NAXD: variants seen among roughly 807,000 people sequenced by gnomAD.
NAXD encodes the protein ATP-dependent (S)-NAD(P)H-hydrate dehydratase.
In NAXD, 22 loss-of-function variants were observed where a neutral mutation model predicts 35.8. That is an observed-to-expected ratio of 0.62 (90% CI 0.44 to 0.88). The LOEUF (loss-of-function observed/expected upper bound fraction) is 0.88. Ranked by LOEUF, NAXD falls within the 40% of genes least tolerant of loss-of-function variation. NAXD has a pLI of 0.00. For missense variants in NAXD, 428 were observed against 437.7 expected (o/e 0.98, Z 0.20); for synonymous variants, 189 against 177.6 (o/e 1.06, Z -0.51).
intron 2 of NAXD, among the ~76,000 whole-genome samples, chr13:110,623,960 C>T (rs1344547752): frequency 6.6e-6 from 1 of 151,056 alleles, no homozygotes; most frequent in Admixed American, 6.6e-5. Context: ...CAAGATCGTG[C>T]CATTGCACTC....
At chr13:110,615,837 G>C (rs1345109286) in intron 1 of NAXD, 190 bp downstream of exon 1, 20 of 1,247,334 alleles carry the variant, frequency 1.6e-5, no homozygotes, top group Non-Finnish European at 1.9e-5. Context: ...GGGGCAGCCC[G>C]CGCGCGGGGC....
rs995011976 is a variant in NAXD at position 110,634,220 on chromosome 13, T to G, written c.442-325T>G. 3.3e-5 allele frequency among the ~76,000 whole-genome samples: 5 copies of G among 152,216 alleles called. No individual in the cohort carries two copies. The East Asian group carries it at 9.6e-4, about 29-fold the overall frequency. ...TTCTGTCACTCTTGGGAAAAGTGTC[T>G]TAGTCGGTTTTGCGCTGCTGTAGCC... On this transcript the variant is annotated intron_variant, in intron 5 of 9. Transcript: ENST00000680254.
Position 110,634,631 on chromosome 13 carries a change from G to A in NAXD, c.492+36G>A, listed in dbSNP as rs769911021. 77 of 1,613,958 alleles carry A rather than the reference G, an allele frequency of 4.8e-5. 1 individual carries two copies. The Admixed American group carries it at 6.7e-4, about 14-fold the overall frequency. On this transcript the variant is annotated intron_variant, in intron 6 of 9. Transcript: ENST00000680254. ...TTCTCTCCTCCTGGCTCGGACTCCC[G>A]GAAGGCCTGTGCAGTGAGCACGGCT...
At chr13:110,637,016 C>A in intron 8 of NAXD, 113 bp from the exon 9 acceptor site, 1 of 1,241,410 alleles carries the variant, frequency 8.1e-7, no homozygotes, top group Non-Finnish European at 1.1e-6. Flanking sequence ...GAGCCTCAGG[C>A]TGCTCCTGGA....
chr13:110,630,218 G>C (rs1413771783), intron 5 of NAXD, among the ~76,000 whole-genome samples: 1 of 151,888 alleles, frequency 6.6e-6, no homozygotes, highest in African/African-American at 2.4e-5. Flanking sequence ...TAGTAGAGAT[G>C]GGGTTTCACC....
chr13:110,621,056 CAAG>C (rs1886245064), intron 1 of NAXD, among the ~76,000 whole-genome samples: 3 of 152,116 alleles, frequency 2.0e-5, no homozygotes, highest in Non-Finnish European at 4.4e-5. Context: ...AGAGACAACT[CAAG>C]ATGATGAAAA....
intron 5 of NAXD, among the ~76,000 whole-genome samples, chr13:110,629,198 C>T (rs1886616011): frequency 6.6e-6 from 1 of 152,206 alleles, no homozygotes; most frequent in Non-Finnish European, 1.5e-5. Flanking sequence ...AGGTAGATTC[C>T]TATTCATAGC....
intron 5 of NAXD, among the ~76,000 whole-genome samples, chr13:110,631,963 G>A (rs972933425): frequency 2.0e-5 from 3 of 152,108 alleles, no homozygotes; most frequent in South Asian, 2.1e-4. Context: ...TAATATACAC[G>A]GCTTTAGTTT....
At chr13:110,624,612 C>G (rs546652388) in intron 3 of NAXD, among the ~76,000 whole-genome samples, 1 of 152,310 alleles carries the variant, frequency 6.6e-6, no homozygotes, top group South Asian at 2.1e-4. Flanking sequence ...GCACCTGCCA[C>G]CACGCCTGGC....
At chr13:110,621,863 C>T (rs971929740) in intron 1 of NAXD, among the ~76,000 whole-genome samples, 11 of 152,018 alleles carry the variant, frequency 7.2e-5, no homozygotes, top group African/African-American at 1.9e-4. Context: ...AACCCTATCT[C>T]TACTGAAAAT....
intron 5 of NAXD, among the ~76,000 whole-genome samples, chr13:110,630,819 T>C (rs1487236955): frequency 1.3e-5 from 2 of 152,200 alleles, no homozygotes; most frequent in Admixed American, 1.3e-4. Flanking sequence ...CCGTTGACCC[T>C]AAATGTGAAG....
At position 110,638,346 on chromosome 13, in the gene NAXD, C is replaced by A; in HGVS notation, c.840-32C>A. 6.2e-7 allele frequency: 1 copy of A among 1,613,962 alleles called. No individual in the cohort carries two copies. The highest frequency in any genetic ancestry group is 8.5e-7 in the Non-Finnish European group (1 of 1,179,998). Reference sequence around the variant, plus strand: ...GGCCCCCGGACCACGACGCCCACTTCCCCACACCTCCTGCTGTCCCCCTCT... The same window carrying A: ...GGCCCCCGGACCACGACGCCCACTTACCCACACCTCCTGCTGTCCCCCTCT... On this transcript the variant is annotated intron_variant, in intron 9 of 9. Transcript: ENST00000680254. The surrounding 1 kb of genome is among the most constrained non-coding windows in gnomAD (Gnocchi z 5.4).
intron 3 of NAXD, among the ~76,000 whole-genome samples, chr13:110,624,804 T>C (rs1886399714): frequency 6.6e-6 from 1 of 152,206 alleles, no homozygotes; most frequent in South Asian, 2.1e-4. Context: ...TGATTTGTAT[T>C]GTACTCCACC....
Position 110,634,770 on chromosome 13 carries a change from C to G in NAXD, c.591C>G (p.Asp197Glu), listed in dbSNP as rs559466039. Residue 197 changes from aspartate to glutamate, a missense_variant, in exon 7 of 10, where the codon GAC (aspartate) becomes GAG (glutamate). This residue lies in a region of NAXD where 209 missense variants were observed against 214.6 expected (regional missense o/e 0.97). Coordinates refer to ENST00000680254, the MANE Select transcript of NAXD (RefSeq NM_001242882.2). ...ACGTGGAGTTCAGCAGACTGTATGA[C>G]GCTGTGGTGAGTCAGTGGACCCCCT... is the stretch of plus-strand genomic sequence containing the variant. ...PNHVEFSRLY[D>E]AVLRGPMDSD... 344 of 1,612,204 alleles carry G rather than the reference C, an allele frequency of 2.1e-4. 2 individuals carry two copies. The South Asian group carries it at 3.6e-3, about 17-fold the overall frequency.
At position 110,639,352 on chromosome 13, in the gene NAXD, CTG is replaced by C. The variant is rs1887080302; in HGVS notation, c.*826_*827del. 6.5e-6 allele frequency: 1 copy of C among 153,532 alleles called. No individual in the cohort carries two copies. The highest frequency in any genetic ancestry group is 1.4e-5 in the Non-Finnish European group (1 of 68,986). 9.5% of individuals were successfully genotyped at this position (153,532 alleles called of 1,614,324 possible). ...CTGGGGTCTGACGTGGCCCCTAGTG[CTG>C]TCTCAGGAGAAGGCTCTGGAGGACT... On this transcript the variant is annotated 3_prime_UTR_variant, in exon 10 of 10. Transcript: ENST00000680254.
chr13:110,635,645 C>T, intron 8 of NAXD, 57 bp downstream of exon 8: 1 of 1,595,290 alleles, frequency 6.3e-7, no homozygotes, highest in Non-Finnish European at 8.6e-7. Flanking sequence ...AGCATGGCCA[C>T]ACCGAGCATG....
Position 110,635,608 on chromosome 13 carries a change from T to C in NAXD, c.718+20T>C. On this transcript the variant is annotated intron_variant, in intron 8 of 9. Coordinates refer to ENST00000680254, the MANE Select transcript of NAXD (RefSeq NM_001242882.2). The stretch of plus-strand genomic sequence containing the variant: ...AGCAGGGTGAGTGGCGGCTGCCCTC[T>C]GTGCATGGGCCAGTGCCAGGTCAGT... The C allele has an allele frequency of 6.2e-6, 10 of 1,612,764 alleles. No individual in the cohort carries two copies. The highest frequency in any genetic ancestry group is 8.5e-6 in the Non-Finnish European group (10 of 1,179,560).
At chr13:110,625,409 A>G (rs1223961198) in intron 4 of NAXD, 131 bp downstream of exon 4, 1 of 667,276 alleles carries the variant, frequency 1.5e-6, no homozygotes, top group Non-Finnish European at 2.7e-6. Flanking sequence ...GCTGTAGAGG[A>G]AGTAGGGAAA....
upstream of NAXD, chr13:110,615,465 G>T: frequency 1.3e-6 from 1 of 778,938 alleles, no homozygotes; most frequent in South Asian, 2.5e-5. Context: ...CAATCATCTA[G>T]AACCGGGTGT....
Sources: gnomAD v4.1 joint callset for allele counts (sites outside exome capture counted in the v4.1 genomes callset) on GRCh38, gnomAD v4.1.1 for gene constraint, gnomAD v4.1.1 regional missense constraint, Gnocchi (gnomAD v3.1) non-coding constraint, MANE v1.5 for transcripts, NCBI Gene and HGNC (gene_info 2026-07-23, HGNC 2026-07-21) for gene names.